The following PHACTR3 variants were observed in gnomAD, a reference collection of about 807,000 sequenced individuals.
PHACTR3 encodes the protein phosphatase and actin regulator 3, also known as protein phosphatase 1, regulatory subunit 123.
In PHACTR3, 16 loss-of-function variants were observed where a neutral mutation model predicts 66.8. The observed-to-expected ratio is 0.24, with a 90% CI of 0.16 to 0.36. The LOEUF is 0.36. PHACTR3 is among the 10% of genes least tolerant of loss of function. The pLI is 1.00. For synonymous variants in PHACTR3, 323 were observed against 292.1 expected, an observed-to-expected ratio of 1.11 and a Z score of -1.08; for missense variants, 647 against 719.9, an observed-to-expected ratio of 0.90 and a Z score of 1.16.
At chr20:59,797,782 T>C (rs929424030) in intron 7 of PHACTR3, among the ~76,000 whole-genome samples, 3 of 152,206 alleles carry the variant, frequency 2.0e-5, no homozygotes, top group Non-Finnish European at 4.4e-5. Context: ...ACACTGTTGC[T>C]TTTTGAGCGA....
intron 1 of PHACTR3, among the ~76,000 whole-genome samples, chr20:59,651,595 G>T (rs2035460683): frequency 6.6e-6 from 1 of 152,128 alleles, no homozygotes; most frequent in African/African-American, 2.4e-5. Context: ...TAGCACACAG[G>T]CAATGGTATT....
intron 7 of PHACTR3, among the ~76,000 whole-genome samples, chr20:59,785,657 AT>A (rs1464586329): frequency 1.3e-5 from 2 of 152,196 alleles, no homozygotes; most frequent in Non-Finnish European, 2.9e-5. Flanking sequence ...GACAGGGACC[AT>A]ATAGTCAGTC....
At chr20:59,606,023 C>T (rs191596115) in intron 1 of PHACTR3, among the ~76,000 whole-genome samples, 214 of 152,334 alleles carry the variant, frequency 1.4e-3, no homozygotes, top group African/African-American at 4.1e-3. Flanking sequence ...GTTTTGGTAT[C>T]AAGCCACAGG....
At chr20:59,807,365 C>T (rs1304184790) in intron 8 of PHACTR3, among the ~76,000 whole-genome samples, 1 of 152,194 alleles carries the variant, frequency 6.6e-6, no homozygotes, top group African/African-American at 2.4e-5. Context: ...CAATCACTGT[C>T]ATCTTCCTCC....
intron 7 of PHACTR3, among the ~76,000 whole-genome samples, chr20:59,793,221 G>C (rs2041156742): frequency 6.6e-6 from 1 of 152,074 alleles, no homozygotes. Flanking sequence ...AGGTAGTGTT[G>C]TGCCTCCAGC....
chr20:59,582,013 G>A (rs191856986), intron 1 of PHACTR3, among the ~76,000 whole-genome samples: 98 of 152,206 alleles, frequency 6.4e-4, no homozygotes, highest in Admixed American at 1.2e-3. Context: ...ACACATACAC[G>A]TATATATTTA....
intron 1 of PHACTR3, among the ~76,000 whole-genome samples, chr20:59,640,169 A>G (rs995958276): frequency 1.3e-5 from 2 of 152,228 alleles, no homozygotes; most frequent in African/African-American, 2.4e-5. Context: ...ATATTGGGAA[A>G]GATTCTTAAC....
At chr20:59,600,994 G>A (rs1278567447), upstream of PHACTR3, among the ~76,000 whole-genome samples, 1 of 150,324 alleles carries the variant, frequency 6.7e-6, no homozygotes, top group African/African-American at 2.5e-5. Context: ...ATATCATTAA[G>A]TTCACGCATT....
At chr20:59,838,454 C>T (rs940385242) in intron 9 of PHACTR3, among the ~76,000 whole-genome samples, 3 of 149,738 alleles carry the variant, frequency 2.0e-5, no homozygotes, top group African/African-American at 5.1e-5. Flanking sequence ...AACACTATAA[C>T]GTGGATAGAA....
At chr20:59,833,077 C>T (rs1348995826) in intron 8 of PHACTR3, among the ~76,000 whole-genome samples, 2 of 151,766 alleles carry the variant, frequency 1.3e-5, no homozygotes, top group Non-Finnish European at 2.9e-5. Context: ...GGTCCTGGCA[C>T]TCTGTAAGTA....
intron 1 of PHACTR3, among the ~76,000 whole-genome samples, chr20:59,706,888 AT>A (rs1016588859): frequency 6.6e-6 from 1 of 152,116 alleles, no homozygotes; most frequent in African/African-American, 2.4e-5. Flanking sequence ...TCTCTCCTGG[AT>A]TTAAAACACC....
chr20:59,747,318 A>C (rs563489066), intron 2 of PHACTR3, among the ~76,000 whole-genome samples: 129 of 152,292 alleles, frequency 8.5e-4, no homozygotes, highest in African/African-American at 1.9e-3. Context: ...CTGTGAGTGG[A>C]TGTTAAGAGC....
At chr20:59,681,300 T>C (rs2036637558) in intron 1 of PHACTR3, among the ~76,000 whole-genome samples, 1 of 152,240 alleles carries the variant, frequency 6.6e-6, no homozygotes, top group African/African-American at 2.4e-5. Flanking sequence ...ATACTCATAC[T>C]AAGGACATGC....
In PHACTR3 at chr20:59,748,947, C is replaced by T. The variant is rs2039473681; in HGVS notation, c.358+1112C>T. 2.0e-5 allele frequency among the ~76,000 whole-genome samples: 3 copies of T among 152,186 alleles called. No homozygotes were observed. The South Asian group carries it at 6.2e-4, about 32-fold the overall frequency. ...CAGCACACAAACCCGATTGTGGGCC[C>T]AGGCTTTTGTCATTGTTTCCTCTCT... On this transcript the variant is annotated intron_variant, in intron 3 of 12. Transcript: ENST00000371015.
At chr20:59,784,850 T>TGG (rs1005816115) in intron 7 of PHACTR3, among the ~76,000 whole-genome samples, 28 of 152,310 alleles carry the variant, frequency 1.8e-4, no homozygotes, top group African/African-American at 6.7e-4. Flanking sequence ...AGGCTGCCTC[T>TGG]GGGCCTGGCA....
Position 59,767,205 on chromosome 20 carries a change from C to T in PHACTR3, c.561C>T (p.Ser187=), listed in dbSNP as rs1219374873. Residue 187 remains serine, a synonymous_variant, in exon 5 of 13, where the codon TCC becomes TCT. Coordinates refer to ENST00000371015, the MANE Select transcript of PHACTR3 (RefSeq NM_080672.5). Reference sequence around the variant, plus strand: ...AACCAGCCAAGATGCCTTCTGCATCCAGTGGTGAAGAAGCAGACGCTGGCA... The same window carrying T: ...AACCAGCCAAGATGCCTTCTGCATCTAGTGGTGAAGAAGCAGACGCTGGCA... ...LDDAAKMPSA[S]SGEEADAGSL... 6.2e-7 allele frequency: 1 copy of T among 1,614,210 alleles called. No homozygotes were observed. The highest frequency in any genetic ancestry group is 8.5e-7 in the Non-Finnish European group (1 of 1,180,028).
intron 8 of PHACTR3, among the ~76,000 whole-genome samples, chr20:59,813,690 G>A (rs997332896): frequency 6.6e-6 from 1 of 152,108 alleles, no homozygotes; most frequent in Non-Finnish European, 1.5e-5. Context: ...AAGCAGCACC[G>A]CCTTCCCAGG....
At chr20:59,599,056 TGG>T (rs2033402056) in intron 1 of PHACTR3, among the ~76,000 whole-genome samples, 3 of 152,318 alleles carry the variant, frequency 2.0e-5, no homozygotes, top group Non-Finnish European at 2.9e-5. Flanking sequence ...AAGAGTTCCC[TGG>T]AGCCCCAGAG....
At chr20:59,782,561 G>A (rs547170402) in intron 7 of PHACTR3, among the ~76,000 whole-genome samples, 2 of 152,272 alleles carry the variant, frequency 1.3e-5, no homozygotes, top group African/African-American at 2.4e-5. Flanking sequence ...CAGAAAAAGA[G>A]GTTTAATGGA....
Sources: gnomAD v4.1 joint callset for allele counts (sites outside exome capture counted in the v4.1 genomes callset) on GRCh38, gnomAD v4.1.1 for gene constraint, MANE v1.5 for transcripts, NCBI Gene and HGNC (gene_info 2026-07-23, HGNC 2026-07-21) for gene names.